The following RTN1 variants were observed in gnomAD, a reference collection of about 807,000 sequenced individuals.
The protein encoded by RTN1 is reticulon 1.
Under a neutral mutation model 65.5 loss-of-function variants are expected in RTN1, and 25 were observed. The observed-to-expected ratio is 0.38, with a 90% CI of 0.28 to 0.53. RTN1 has a LOEUF of 0.53. RTN1 is among the 20% of genes least tolerant of loss of function. The pLI is 0.79. For missense variants in RTN1, 983 were observed against 1,025.4 expected (o/e 0.96, Z 0.57); for synonymous variants, 471 against 447.6 (o/e 1.05, Z -0.66).
intron 3 of RTN1, among the ~76,000 whole-genome samples, chr14:59,687,600 T>G (rs1207508132): frequency 6.6e-6 from 1 of 151,854 alleles, no homozygotes; most frequent in Non-Finnish European, 1.5e-5. Context: ...GCTCACCTAG[T>G]TCAGCAGCCT....
intron 1 of RTN1, among the ~76,000 whole-genome samples, chr14:59,793,774 T>C (rs917522020): frequency 6.6e-6 from 1 of 152,072 alleles, no homozygotes; most frequent in African/African-American, 2.4e-5. Context: ...ACTATTGTGC[T>C]ACTATCAAAA....
chr14:59,831,304 G>A (rs1157916322), intron 1 of RTN1, among the ~76,000 whole-genome samples: 1 of 152,174 alleles, frequency 6.6e-6, no homozygotes, highest in Non-Finnish European at 1.5e-5. Flanking sequence ...AATGTGGTGG[G>A]CCTCATTCAA....
intron 3 of RTN1, among the ~76,000 whole-genome samples, chr14:59,611,297 C>T (rs1881942013): frequency 6.6e-6 from 1 of 152,214 alleles, no homozygotes; most frequent in Non-Finnish European, 1.5e-5. Context: ...GCCCAAGTGG[C>T]CTCCTAGTTC....
Position 59,745,974 on chromosome 14 carries a change from A to G in RTN1, c.749T>C (p.Ile250Thr), listed in dbSNP as rs373346990. ...GGATTCTTCCAATAAATGGTCCTTGATGATTTTTCCCTCCACAGGAGCTGG... is the reference window on the plus strand; with the variant it reads ...GGATTCTTCCAATAAATGGTCCTTGGTGATTTTTCCCTCCACAGGAGCTGG... ...DKPAPVEGKI[I>T]KDHLLEESTF... Residue 250 changes from isoleucine (I) to threonine (T), a missense_variant, in exon 2 of 9, where the codon ATC becomes ACC. By Grantham distance (89) the Ile-to-Thr change is moderately conservative (BLOSUM62 -1). Around this residue, in one of 2 missense-constraint regions of RTN1, gnomAD observed 818 missense variants for 801.8 expected, o/e 1.02. Transcript: ENST00000267484. 9.9e-6 allele frequency: 16 copies of G among 1,614,028 alleles called. No homozygotes were observed. The highest frequency in any genetic ancestry group is 4.0e-5 in the African/African-American group (3 of 74,902).
chr14:59,648,533 C>A (rs772607704), intron 3 of RTN1, among the ~76,000 whole-genome samples: 1 of 152,126 alleles, frequency 6.6e-6, no homozygotes, highest in East Asian at 1.9e-4. Context: ...AGGCAAAAAT[C>A]CTCAACAAAA....
chr14:59,793,927 T>C (rs1386768578), intron 1 of RTN1, among the ~76,000 whole-genome samples: 48 of 152,122 alleles, frequency 3.2e-4, no homozygotes, highest in Admixed American at 3.1e-3. Flanking sequence ...TACACTCCTG[T>C]AACACATAAG....
chr14:59,648,155 C>T (rs1297877704), intron 3 of RTN1, among the ~76,000 whole-genome samples: 2 of 152,220 alleles, frequency 1.3e-5, no homozygotes, highest in East Asian at 3.9e-4. Context: ...ATTATGAACA[C>T]CTCTATGCAC....
chr14:59,644,708 G>A (rs1468990680), intron 3 of RTN1, among the ~76,000 whole-genome samples: 1 of 152,220 alleles, frequency 6.6e-6, no homozygotes, highest in African/African-American at 2.4e-5. Flanking sequence ...ACCGATGGTG[G>A]CATTATACCT....
chr14:59,667,937 C>T (rs1256548045), intron 3 of RTN1, among the ~76,000 whole-genome samples: 3 of 152,144 alleles, frequency 2.0e-5, no homozygotes, highest in African/African-American at 7.2e-5. Flanking sequence ...CAAACCACTG[C>T]TCAACGAAAT....
chr14:59,663,390 C>T (rs145513122), intron 3 of RTN1, among the ~76,000 whole-genome samples: 1 of 152,128 alleles, frequency 6.6e-6, no homozygotes, highest in East Asian at 1.9e-4. Flanking sequence ...TAGAAGAAAA[C>T]CTAGGCAATA....
At chr14:59,703,473 T>C (rs1254246998) in intron 3 of RTN1, among the ~76,000 whole-genome samples, 1 of 152,198 alleles carries the variant, frequency 6.6e-6, no homozygotes, top group African/African-American at 2.4e-5. Context: ...GTCCTTCATC[T>C]TCTGATTGGA....
chr14:59,742,265 T>C (rs1885129849), intron 2 of RTN1, among the ~76,000 whole-genome samples: 1 of 152,224 alleles, frequency 6.6e-6, no homozygotes, highest in Non-Finnish European at 1.5e-5. Flanking sequence ...TTCCTGATTA[T>C]TGTCCTTTTT....
intron 1 of RTN1, among the ~76,000 whole-genome samples, chr14:59,827,065 T>TTTG (rs144561240): frequency 0.029 from 4,375 of 151,224 alleles, 152 homozygotes; most frequent in African/African-American, 0.084. Context: ...GTATATGTGT[T>TTTG]TTGTTGTTGT....
At chr14:59,715,579 A>C (rs1263632561) in intron 3 of RTN1, among the ~76,000 whole-genome samples, 1 of 152,192 alleles carries the variant, frequency 6.6e-6, no homozygotes, top group Non-Finnish European at 1.5e-5. Flanking sequence ...TAATCCCAGC[A>C]CTTTGGGAGG....
chr14:59,724,276 C>T (rs1048909966), intron 3 of RTN1, among the ~76,000 whole-genome samples: 1 of 152,146 alleles, frequency 6.6e-6, no homozygotes, highest in Non-Finnish European at 1.5e-5. Context: ...TGTTAGAGCA[C>T]GTGCACCAGT....
At chr14:59,672,589 T>C (rs1883529263) in intron 3 of RTN1, among the ~76,000 whole-genome samples, 1 of 151,640 alleles carries the variant, frequency 6.6e-6, no homozygotes, top group Non-Finnish European at 1.5e-5. Context: ...ATTTGTTGAA[T>C]GAGTGATTTG....
intron 3 of RTN1, among the ~76,000 whole-genome samples, chr14:59,615,379 G>A (rs1275034409): frequency 2.0e-5 from 3 of 152,146 alleles, no homozygotes; most frequent in African/African-American, 7.2e-5. Context: ...AACCTGGGAG[G>A]TGGAGGTTGC....
At chr14:59,832,515 G>T (rs144163068) in intron 1 of RTN1, among the ~76,000 whole-genome samples, 65 of 152,270 alleles carry the variant, frequency 4.3e-4, no homozygotes, top group African/African-American at 1.5e-3. Context: ...TGTTCCAGAG[G>T]ACAATGCATT....
chr14:59,703,847 A>G (rs1409476467), intron 3 of RTN1, among the ~76,000 whole-genome samples: 2 of 152,222 alleles, frequency 1.3e-5, no homozygotes, highest in African/African-American at 4.8e-5. Context: ...CACTCATATG[A>G]CCATTATTTA....
Sources: allele counts gnomAD v4.1 joint callset (sites outside exome capture counted in the v4.1 genomes callset), GRCh38; gene constraint gnomAD v4.1.1; regional missense constraint gnomAD v4.1.1; transcripts MANE v1.5; gene names NCBI Gene and HGNC (gene_info 2026-07-23, HGNC 2026-07-21).